GRIA4: variants seen among roughly 807,000 people sequenced by gnomAD.
GRIA4 encodes glutamate receptor 4.
A neutral mutation model predicts 104.0 loss-of-function variants in GRIA4; 34 were observed. The ratio of observed to expected loss-of-function variants is 0.33; its 90% CI spans 0.25 to 0.44. The LOEUF is 0.44. GRIA4 is among the 20% of genes least tolerant of loss of function. GRIA4 has a pLI of 1.00. For synonymous variants in GRIA4, 386 were observed against 381.9 expected (o/e 1.01, Z -0.13); for missense variants, 750 against 1,096.5 (o/e 0.68, Z 4.46).
chr11:105,757,674 T>C (rs932350175), intron 4 of GRIA4, among the ~76,000 whole-genome samples: 1 of 152,090 alleles, frequency 6.6e-6, no homozygotes, highest in Admixed American at 6.6e-5. Flanking sequence ...TACTAGCTTC[T>C]GGACACACAT....
chr11:105,649,156 GACATA>G (rs1951616713), intron 3 of GRIA4, among the ~76,000 whole-genome samples: 1 of 151,990 alleles, frequency 6.6e-6, no homozygotes, highest in Non-Finnish European at 1.5e-5. Context: ...CTTTGTTATT[GACATA>G]TATAAAACAA....
chr11:105,762,997 C>A (rs1401215173), intron 4 of GRIA4, among the ~76,000 whole-genome samples: 1 of 152,104 alleles, frequency 6.6e-6, no homozygotes, highest in African/African-American at 2.4e-5. Context: ...ATTGTTGAAT[C>A]ATATTGAGGA....
intron 3 of GRIA4, among the ~76,000 whole-genome samples, chr11:105,711,652 A>C (rs1180402898): frequency 6.6e-6 from 1 of 152,166 alleles, no homozygotes; most frequent in Non-Finnish European, 1.5e-5. Context: ...AATTATGATG[A>C]AATTACATGA....
intron 4 of GRIA4, among the ~76,000 whole-genome samples, chr11:105,758,477 A>G (rs945371478): frequency 2.6e-5 from 4 of 152,170 alleles, no homozygotes; most frequent in African/African-American, 9.7e-5. Context: ...TAAAGCAATA[A>G]ATTTGCAAAT....
intron 13 of GRIA4, among the ~76,000 whole-genome samples, chr11:105,932,290 T>C (rs1947901107): frequency 6.6e-6 from 1 of 151,968 alleles, no homozygotes; most frequent in Non-Finnish European, 1.5e-5. Context: ...AGGCATGCGC[T>C]GCTATGCCCA....
intron 3 of GRIA4, among the ~76,000 whole-genome samples, chr11:105,699,272 C>A (rs949205330): frequency 2.0e-5 from 3 of 152,120 alleles, no homozygotes; most frequent in Non-Finnish European, 4.4e-5. Flanking sequence ...TCCTAGAAAT[C>A]TTTTGTAGGA....
chr11:105,833,198 G>A (rs145735562), intron 4 of GRIA4, among the ~76,000 whole-genome samples: 1 of 151,898 alleles, frequency 6.6e-6, no homozygotes, highest in African/African-American at 2.4e-5. Flanking sequence ...TATTAGGTGT[G>A]AGAAACCATA....
chr11:105,869,125 T>C (rs1945528162), intron 5 of GRIA4, among the ~76,000 whole-genome samples: 1 of 152,028 alleles, frequency 6.6e-6, no homozygotes, highest in Non-Finnish European at 1.5e-5. Context: ...CCATACCTCA[T>C]TTTCTTATAA....
Position 105,910,634 on chromosome 11 carries a change from G to C in GRIA4, c.1269+89G>C, listed in dbSNP as rs1947203011. On this transcript the variant is annotated intron_variant, in intron 10 of 16. Transcript: ENST00000282499. Reference sequence around the variant, plus strand: ...GACGGTGAACAGGGAGGGCAAAGCTGACTGTTAGCAATGGTGACATGGGTG... The same window carrying C: ...GACGGTGAACAGGGAGGGCAAAGCTCACTGTTAGCAATGGTGACATGGGTG... 8 of 712,490 alleles carry C rather than the reference G, an allele frequency of 1.1e-5. No homozygotes were observed. In the East Asian group the frequency reaches 1.9e-4, roughly 17 times the overall value. The allele number at this position is 712,490 out of a possible 1,614,324, so 44.1% of individuals were successfully genotyped here.
chr11:105,976,066 A>G (rs1009973145), intron 16 of GRIA4, among the ~76,000 whole-genome samples: 3 of 152,100 alleles, frequency 2.0e-5, no homozygotes, highest in Non-Finnish European at 2.9e-5. Context: ...CTTAATGTTT[A>G]CAGAGTTGAT....
chr11:105,729,543 G>A (rs1371522287), intron 3 of GRIA4, among the ~76,000 whole-genome samples: 1 of 152,136 alleles, frequency 6.6e-6, no homozygotes, highest in Non-Finnish European at 1.5e-5. Flanking sequence ...AAACCTGGCA[G>A]AGACACAACA....
At chr11:105,855,016 T>C (rs1944959717) in intron 4 of GRIA4, among the ~76,000 whole-genome samples, 1 of 152,226 alleles carries the variant, frequency 6.6e-6, no homozygotes. Context: ...ATAATGTAGT[T>C]TATGAATACA....
At chr11:105,713,493 TCTTTTCCAGATTTTTCTTTAATG>T (rs1247388035) in intron 3 of GRIA4, among the ~76,000 whole-genome samples, 5 of 152,186 alleles carry the variant, frequency 3.3e-5, no homozygotes, top group Non-Finnish European at 7.4e-5. Flanking sequence ...AATTATGGGA[TCTTTTCCAGATTTTTCTTTAATG>T]CTTTTACAGA....
At chr11:105,705,709 T>A (rs1953673054) in intron 3 of GRIA4, among the ~76,000 whole-genome samples, 1 of 152,004 alleles carries the variant, frequency 6.6e-6, no homozygotes, top group Non-Finnish European at 1.5e-5. Context: ...ACAAGGGCAG[T>A]TCCCACCTAT....
chr11:105,668,222 A>T (rs12276348), intron 3 of GRIA4, among the ~76,000 whole-genome samples: 4 of 137,242 alleles, frequency 2.9e-5, no homozygotes, highest in East Asian at 4.1e-4. Flanking sequence ...ACACACATAT[A>T]ATATATATAT....
intron 5 of GRIA4, among the ~76,000 whole-genome samples, chr11:105,887,004 G>T (rs1272841531): frequency 1.3e-5 from 2 of 151,386 alleles, no homozygotes; most frequent in African/African-American, 2.4e-5. Context: ...ATACAGGTGA[G>T]AATTCACTAA....
chr11:105,696,824 G>A (rs1332802116), intron 3 of GRIA4, among the ~76,000 whole-genome samples: 1 of 151,710 alleles, frequency 6.6e-6, no homozygotes, highest in Non-Finnish European at 1.5e-5. Context: ...GAGTGCAGTG[G>A]TGTGATCTCT....
At position 105,802,389 on chromosome 11, in the gene GRIA4, G is replaced by C. The variant is rs369282044; in HGVS notation, c.487+49169G>C. On this transcript the variant is annotated intron_variant, in intron 4 of 16. Transcript: ENST00000282499. Reference sequence around the variant, plus strand: ...AATAACTAAGTACTCACAATATGAAGATGAGTAGTTATACCTTGATAACAA... The same window carrying C: ...AATAACTAAGTACTCACAATATGAACATGAGTAGTTATACCTTGATAACAA... Among the ~76,000 whole-genome samples, 5 of 152,184 alleles carry C rather than the reference G, an allele frequency of 3.3e-5. No homozygotes were observed. In the South Asian group the frequency reaches 8.3e-4, roughly 25 times the overall value.
chr11:105,620,383 T>C (rs1243598839), intron 3 of GRIA4, among the ~76,000 whole-genome samples: 1 of 151,894 alleles, frequency 6.6e-6, no homozygotes, highest in African/African-American at 2.4e-5. Flanking sequence ...TTAGAAAATT[T>C]GTCTAAGACC....
Sources: gnomAD v4.1 joint callset for allele counts (sites outside exome capture counted in the v4.1 genomes callset) on GRCh38, gnomAD v4.1.1 for gene constraint, MANE v1.5 for transcripts, NCBI Gene and HGNC (gene_info 2026-07-23, HGNC 2026-07-21) for gene names.